Variants in FHOD3 observed in about 807,000 individuals in gnomAD.
FHOD3 encodes FH1/FH2 domain-containing protein 3.
In FHOD3, 90 loss-of-function variants were observed where a neutral mutation model predicts 173.0. The ratio of observed to expected loss-of-function variants is 0.52; its 90% CI spans 0.44 to 0.62. The LOEUF is 0.62. FHOD3 is among the 20% of genes least tolerant of loss of function. The probability of loss-of-function intolerance (pLI) is 0.00; values close to 1 mark genes in which losing one functional copy is unlikely to be tolerated. For synonymous variants in FHOD3, 828 were observed against 823.0 expected, an observed-to-expected ratio of 1.01 and a Z score of -0.10; for missense variants, 1,945 against 2,034.7, an observed-to-expected ratio of 0.96 and a Z score of 0.85.
At chr18:36,567,996 G>A (rs73429673) in intron 5 of FHOD3, among the ~76,000 whole-genome samples, 1,988 of 151,932 alleles carry the variant, frequency 0.013, 48 homozygotes, top group African/African-American at 0.045. Flanking sequence ...AACAAGTTAA[G>A]TAATGCTCCA....
At chr18:36,363,471 AGAAAT>A (rs1449361410) in intron 2 of FHOD3, among the ~76,000 whole-genome samples, 2 of 152,234 alleles carry the variant, frequency 1.3e-5, no homozygotes, top group African/African-American at 4.8e-5. Flanking sequence ...AGCAATAAAA[AGAAAT>A]GAGTGATCAA....
rs764039558 is a variant in FHOD3 at position 36,709,321 on chromosome 18, C to T, written c.2463C>T (p.Ser821=). ...AGAGGGACAACTGCTCTGCCTCCAG[C>T]GTCTCGTCCTCCAGCAGCACGTTGG... ...VNERDNCSAS[S]VSSSSSTLER... The change falls in exon 18 of 29, where the codon AGC becomes AGT. Residue 821 remains serine, a synonymous_variant. Coordinates refer to ENST00000590592, the MANE Select transcript of FHOD3 (RefSeq NM_001281740.3). The T allele has an allele frequency of 1.4e-5, 23 of 1,614,124 alleles. No individual in the cohort carries two copies. Among genetic ancestry groups the T allele is most frequent in the African/African-American group, 5.3e-5 (4 of 74,950 alleles).
At chr18:36,393,586 T>C (rs187089744) in intron 3 of FHOD3, among the ~76,000 whole-genome samples, 30 of 152,300 alleles carry the variant, frequency 2.0e-4, no homozygotes, top group Admixed American at 7.2e-4. Context: ...TAAGAAGCTG[T>C]CCGTAATCCC....
At chr18:36,568,794 T>C (rs905447689) in intron 5 of FHOD3, among the ~76,000 whole-genome samples, 1 of 152,160 alleles carries the variant, frequency 6.6e-6, no homozygotes, top group African/African-American at 2.4e-5. Flanking sequence ...ATTTTAAAAA[T>C]ATCCAGGAGA....
chr18:36,361,455 G>T (rs1459479652), intron 2 of FHOD3, among the ~76,000 whole-genome samples: 1 of 152,134 alleles, frequency 6.6e-6, no homozygotes, highest in African/African-American at 2.4e-5. Context: ...GGAGGCCAAG[G>T]TGGGTGGATT....
intron 14 of FHOD3, among the ~76,000 whole-genome samples, chr18:36,676,682 C>T (rs1037334257): frequency 6.6e-6 from 1 of 152,134 alleles, no homozygotes; most frequent in Non-Finnish European, 1.5e-5. Flanking sequence ...TTAGTGTCAT[C>T]AGACATTAAT....
chr18:36,311,696 C>T (rs1462388626), intron 1 of FHOD3, among the ~76,000 whole-genome samples: 1 of 152,190 alleles, frequency 6.6e-6, no homozygotes, highest in East Asian at 1.9e-4. Context: ...ACAGTGTCCC[C>T]ACTCCCAACG....
At chr18:36,361,986 C>T (rs1444001331) in intron 2 of FHOD3, among the ~76,000 whole-genome samples, 1 of 152,218 alleles carries the variant, frequency 6.6e-6, no homozygotes, top group Non-Finnish European at 1.5e-5. Context: ...AATGAAGTAA[C>T]TCCCATGCTG....
intron 3 of FHOD3, among the ~76,000 whole-genome samples, chr18:36,388,768 C>T (rs1226530725): frequency 1.3e-5 from 2 of 152,226 alleles, no homozygotes; most frequent in Non-Finnish European, 1.5e-5. Context: ...AACAGACCAC[C>T]ACCACCAACA....
intron 5 of FHOD3, among the ~76,000 whole-genome samples, chr18:36,570,196 A>C (rs1402099590): frequency 6.6e-6 from 1 of 152,044 alleles, no homozygotes; most frequent in Admixed American, 6.6e-5. Flanking sequence ...AACATTAAGA[A>C]TGAAAGGGGA....
intron 1 of FHOD3, among the ~76,000 whole-genome samples, chr18:36,329,010 GC>G (rs1200784185): frequency 6.6e-6 from 1 of 152,208 alleles, no homozygotes; most frequent in Non-Finnish European, 1.5e-5. Flanking sequence ...GGTCTTTAAA[GC>G]CAGGCTGGCG....
intron 17 of FHOD3, among the ~76,000 whole-genome samples, chr18:36,701,737 C>G (rs1330117666): frequency 6.6e-6 from 1 of 152,132 alleles, no homozygotes; most frequent in East Asian, 1.9e-4. Flanking sequence ...GAATGCAATC[C>G]CAGCACTTAA....
chr18:36,741,054 A>G (rs2041878966), intron 21 of FHOD3, among the ~76,000 whole-genome samples: 1 of 152,244 alleles, frequency 6.6e-6, no homozygotes, highest in Non-Finnish European at 1.5e-5. Flanking sequence ...CTCAGACACT[A>G]GATTGTGGGC....
At chr18:36,687,840 C>T (rs190239260) in intron 16 of FHOD3, among the ~76,000 whole-genome samples, 8 of 152,062 alleles carry the variant, frequency 5.3e-5, no homozygotes, top group Admixed American at 2.6e-4. Flanking sequence ...ATTTATGGTA[C>T]GAATCTTTGT....
chr18:36,380,593 C>A (rs945374399), intron 3 of FHOD3, among the ~76,000 whole-genome samples: 3 of 129,912 alleles, frequency 2.3e-5, no homozygotes, highest in African/African-American at 9.6e-5. Flanking sequence ...CTTTCCTTTC[C>A]TTTCCTTTCC....
At chr18:36,546,637 T>G (rs1381829935) in intron 5 of FHOD3, among the ~76,000 whole-genome samples, 1 of 152,152 alleles carries the variant, frequency 6.6e-6, no homozygotes, top group Non-Finnish European at 1.5e-5. Context: ...TTCAGGTTTG[T>G]CTGTCGCAAG....
At chr18:36,685,302 A>C (rs1333512706) in intron 15 of FHOD3, among the ~76,000 whole-genome samples, 1 of 152,190 alleles carries the variant, frequency 6.6e-6, no homozygotes, top group Non-Finnish European at 1.5e-5. Context: ...ATCCAAAATG[A>C]ATGCTAATCA....
chr18:36,340,735 C>G (rs529023029), intron 1 of FHOD3, among the ~76,000 whole-genome samples: 1 of 152,078 alleles, frequency 6.6e-6, no homozygotes, highest in Admixed American at 6.5e-5. Flanking sequence ...CTTCCGGGTT[C>G]ATGCCATTCT....
intron 3 of FHOD3, among the ~76,000 whole-genome samples, chr18:36,390,790 A>T (rs947281994): frequency 2.0e-5 from 3 of 152,094 alleles, no homozygotes; most frequent in Non-Finnish European, 2.9e-5. Context: ...GCCTGGAGTG[A>T]TTCTCCACTC....
Sources: gnomAD v4.1 joint callset for allele counts (sites outside exome capture counted in the v4.1 genomes callset) on GRCh38, gnomAD v4.1.1 for gene constraint, MANE v1.5 for transcripts, NCBI Gene and HGNC (gene_info 2026-07-23, HGNC 2026-07-21) for gene names.